Variants in PRKCA observed in about 807,000 individuals in gnomAD.
The protein encoded by PRKCA is protein kinase C alpha, also known as protein kinase C alpha type.
PRKCA carries 27 observed loss-of-function variants against 87.0 expected under a neutral mutation model. The ratio of observed to expected loss-of-function variants is 0.31; its 90% CI spans 0.23 to 0.43. The LOEUF is 0.43. Ranked by LOEUF, PRKCA falls within the 20% of genes least tolerant of loss-of-function variation. PRKCA has a pLI of 1.00. For missense variants in PRKCA, 518 were observed against 852.3 expected, an observed-to-expected ratio of 0.61 and a Z score of 4.88; for synonymous variants, 329 against 311.1, an observed-to-expected ratio of 1.06 and a Z score of -0.61.
At position 66,546,989 on chromosome 17, in the gene PRKCA, C is replaced by T. The variant is rs1223011926; in HGVS notation, c.288+50706C>T. On this transcript the variant is annotated intron_variant, in intron 3 of 16. Coordinates refer to ENST00000413366, the MANE Select transcript of PRKCA (RefSeq NM_002737.3). ...TGCTTTAAGCTACTGTAGCATCTCCCATATCTGTCCCCTCCTCTGTATTCC... is the reference window on the plus strand; with the variant it reads ...TGCTTTAAGCTACTGTAGCATCTCCTATATCTGTCCCCTCCTCTGTATTCC... 2.6e-5 allele frequency among the ~76,000 whole-genome samples: 4 copies of T among 152,162 alleles called. No individual in the cohort carries two copies. In the East Asian group the frequency reaches 7.7e-4, roughly 29 times the overall value.
chr17:66,658,111 C>T (rs1971786284), intron 5 of PRKCA, among the ~76,000 whole-genome samples: 1 of 152,166 alleles, frequency 6.6e-6, no homozygotes, highest in Non-Finnish European at 1.5e-5. Flanking sequence ...AAGAAGCAAA[C>T]ACATCCTTCT....
intron 5 of PRKCA, among the ~76,000 whole-genome samples, chr17:66,683,167 A>G (rs1376163259): frequency 6.6e-6 from 1 of 152,148 alleles, no homozygotes; most frequent in East Asian, 1.9e-4. Flanking sequence ...AATAACATCT[A>G]TTTTCATTGT....
intron 2 of PRKCA, among the ~76,000 whole-genome samples, chr17:66,375,914 C>G (rs916752475): frequency 6.6e-6 from 1 of 152,168 alleles, no homozygotes; most frequent in Non-Finnish European, 1.5e-5. Context: ...TACCTGCTTG[C>G]TAACATGCTG....
At chr17:66,358,138 C>T (rs1006389574) in intron 2 of PRKCA, among the ~76,000 whole-genome samples, 2 of 151,916 alleles carry the variant, frequency 1.3e-5, no homozygotes, top group East Asian at 3.9e-4. Context: ...CTAATTGATA[C>T]ACATGCACAT....
chr17:66,731,784 T>C (rs1451679641), intron 8 of PRKCA, among the ~76,000 whole-genome samples: 10 of 135,874 alleles, frequency 7.4e-5, no homozygotes, highest in African/African-American at 2.5e-4. Context: ...TCTTTTTTTT[T>C]TTTTTTTTTT....
intron 3 of PRKCA, among the ~76,000 whole-genome samples, chr17:66,571,378 A>G (rs939721687): frequency 6.6e-6 from 1 of 152,204 alleles, no homozygotes; most frequent in African/African-American, 2.4e-5. Flanking sequence ...GGTATATACA[A>G]ATATGTTTAA....
chr17:66,407,710 TTAAAA>T (rs904001701), intron 2 of PRKCA, among the ~76,000 whole-genome samples: 9 of 151,986 alleles, frequency 5.9e-5, no homozygotes, highest in African/African-American at 2.2e-4. Context: ...CATTTTTTGT[TTAAAA>T]AAAAAAAGTA....
chr17:66,475,942 G>A (rs1162768779), intron 2 of PRKCA, among the ~76,000 whole-genome samples: 1 of 152,082 alleles, frequency 6.6e-6, no homozygotes, highest in Non-Finnish European at 1.5e-5. Flanking sequence ...TGTCGCCCAG[G>A]CTGGAACACA....
At chr17:66,721,098 A>G (rs1973603370) in intron 8 of PRKCA, among the ~76,000 whole-genome samples, 1 of 152,126 alleles carries the variant, frequency 6.6e-6, no homozygotes, top group African/African-American at 2.4e-5. Context: ...CTAAGAAAGT[A>G]AAGGAATAAA....
chr17:66,707,084 C>T (rs1180778746), intron 8 of PRKCA, among the ~76,000 whole-genome samples: 1 of 152,140 alleles, frequency 6.6e-6, no homozygotes, highest in African/African-American at 2.4e-5. Context: ...TTCCCTATGA[C>T]ACCCCCTTTT....
At chr17:66,678,197 G>A (rs1972388439) in intron 5 of PRKCA, among the ~76,000 whole-genome samples, 1 of 152,202 alleles carries the variant, frequency 6.6e-6, no homozygotes, top group East Asian at 1.9e-4. Flanking sequence ...CAGAGAAGAA[G>A]GTGATGTGGC....
intron 2 of PRKCA, among the ~76,000 whole-genome samples, chr17:66,486,616 G>A (rs532530859): frequency 1.3e-5 from 2 of 152,146 alleles, no homozygotes; most frequent in East Asian, 1.9e-4. Context: ...CACAACACTT[G>A]GGTGTTTCCA....
chr17:66,667,032 C>T (rs1972062182), intron 5 of PRKCA, among the ~76,000 whole-genome samples: 1 of 152,202 alleles, frequency 6.6e-6, no homozygotes, highest in African/African-American at 2.4e-5. Context: ...GTCCAGCCAA[C>T]TCCTTTGTTT....
chr17:66,564,350 A>G (rs1968823072), intron 3 of PRKCA, among the ~76,000 whole-genome samples: 1 of 152,098 alleles, frequency 6.6e-6, no homozygotes, highest in Non-Finnish European at 1.5e-5. Context: ...GAGTGCTGGG[A>G]TTATAGGTAT....
At chr17:66,438,772 G>T (rs2143862339) in intron 2 of PRKCA, among the ~76,000 whole-genome samples, 1 of 152,282 alleles carries the variant, frequency 6.6e-6, no homozygotes, top group South Asian at 2.1e-4. Context: ...GAATGAACGA[G>T]TGCTCAGTGA....
At chr17:66,311,369 A>C (rs1263508337) in intron 2 of PRKCA, among the ~76,000 whole-genome samples, 1 of 152,186 alleles carries the variant, frequency 6.6e-6, no homozygotes, top group African/African-American at 2.4e-5. Flanking sequence ...TCATCCCAGC[A>C]CTTTGGAAGG....
chr17:66,803,749 TTCC>T lies in PRKCA; in HGVS notation c.1855-116_1855-114del, dbSNP rs1301486966. 2.1e-5 allele frequency: 28 copies of T among 1,342,112 alleles called. No individual in the cohort carries two copies. The highest frequency in any genetic ancestry group is 2.6e-5 in the Non-Finnish European group (26 of 994,678). 83.1% of individuals were successfully genotyped at this position (1,342,112 alleles called of 1,614,324 possible). A position where few individuals can be genotyped will look rare whatever the true frequency, so the allele number is the denominator to read the frequency against. On this transcript the variant is annotated intron_variant, in intron 16 of 16. Transcript: ENST00000413366. The surrounding 1 kb of genome is among the most constrained non-coding windows in gnomAD (Gnocchi z 4.4). The stretch of plus-strand genomic sequence containing the variant: ...CAATAGGCCTGCAAGTCCTCCGAGA[TTCC>T]TCCTCCTAACCAGCCCGGAGTTCCC...
chr17:66,585,327 C>G (rs753936705), intron 3 of PRKCA, among the ~76,000 whole-genome samples: 1 of 152,212 alleles, frequency 6.6e-6, no homozygotes, highest in Non-Finnish European at 1.5e-5. Flanking sequence ...CATTTCCTAT[C>G]CGCAGAGCTG....
rs1907197894 is a variant in PRKCA, at chr17:66,343,906, A to T, written c.205+37779A>T. 2.6e-5 allele frequency among the ~76,000 whole-genome samples: 4 copies of T among 152,138 alleles called. No homozygotes were observed. The South Asian group carries it at 8.3e-4, about 32-fold the overall frequency. Reference sequence around the variant, plus strand: ...TCATTTTAAAATTGATAGCACCATGATGCCTACCATTGTATGTTTTCAGTG... The same window carrying T: ...TCATTTTAAAATTGATAGCACCATGTTGCCTACCATTGTATGTTTTCAGTG... On this transcript the variant is annotated intron_variant, in intron 2 of 16. Transcript: ENST00000413366.
Sources: gnomAD v4.1 joint callset for allele counts (sites outside exome capture counted in the v4.1 genomes callset) on GRCh38, gnomAD v4.1.1 for gene constraint, Gnocchi (gnomAD v3.1) non-coding constraint, MANE v1.5 for transcripts, NCBI Gene and HGNC (gene_info 2026-07-23, HGNC 2026-07-21) for gene names.